The following SAXO5 variants were observed in gnomAD, a reference collection of about 807,000 sequenced individuals.
SAXO5 encodes testis expressed 45.
the SAXO5 span, among the ~76,000 whole-genome samples, chr19:7,498,162 CACACACAT>C: frequency 3.0e-5 from 3 of 98,370 alleles, no homozygotes; most frequent in African/African-American, 8.8e-5. Flanking sequence ...AAAACACACA[CACACACAT>C]ACACACACAC....
chr19:7,505,883 A>G, the SAXO5 span: 2 of 1,383,450 alleles, frequency 1.4e-6, no homozygotes, highest in Non-Finnish European at 2.0e-6. Flanking sequence ...CCAAGGTCAC[A>G]CAGAGCCCAC....
chr19:7,499,013 T>C, the SAXO5 span: 1 of 152,270 alleles, frequency 6.6e-6, no homozygotes, highest in Admixed American at 6.6e-5. Context: ...GGAAAACCAG[T>C]AAGAAAGTGC....
the SAXO5 span, among the ~76,000 whole-genome samples, chr19:7,498,033 C>T: frequency 6.6e-6 from 1 of 151,782 alleles, no homozygotes; most frequent in Non-Finnish European, 1.5e-5. Context: ...CACCTACAGT[C>T]CCAGCTACTC....
the SAXO5 span, among the ~76,000 whole-genome samples, chr19:7,504,989 T>G: frequency 0.053 from 3,571 of 67,650 alleles, 63 homozygotes; most frequent in Middle Eastern, 0.12. Flanking sequence ...TTTTTTTTTC[T>G]TTTTTTTTTT....
At chr19:7,500,478 A>ATTTT in the SAXO5 span, among the ~76,000 whole-genome samples, 3 of 147,854 alleles carry the variant, frequency 2.0e-5, no homozygotes, top group African/African-American at 7.7e-5. Flanking sequence ...ATTTTTTTTA[A>ATTTT]AAATTATTTT....
the SAXO5 span, chr19:7,500,874 C>T: frequency 6.4e-7 from 1 of 1,558,194 alleles, no homozygotes; most frequent in Non-Finnish European, 8.6e-7. Flanking sequence ...GATGTCCCGG[C>T]TGGACTTCCT....
the SAXO5 span, chr19:7,506,481 G>T: frequency 2.3e-6 from 1 of 430,186 alleles, no homozygotes; most frequent in African/African-American, 2.1e-5. Flanking sequence ...TTCTGGACAC[G>T]GCCCTGCCCC....
At chr19:7,501,824 A>G in the SAXO5 span, among the ~76,000 whole-genome samples, 1 of 151,802 alleles carries the variant, frequency 6.6e-6, no homozygotes, top group East Asian at 1.9e-4. Context: ...CCGTCTCAAA[A>G]AAAGGAAAGA....
At chr19:7,501,439 A>C in the SAXO5 span, 24,258 of 1,439,356 alleles carry the variant, frequency 0.017, 1,918 homozygotes, top group African/African-American at 0.23. Flanking sequence ...TTTGCTTCAC[A>C]TTGTGGTTCT....
At chr19:7,505,456 C>A in the SAXO5 span, 9 of 1,613,716 alleles carry the variant, frequency 5.6e-6, no homozygotes, top group Non-Finnish European at 5.9e-6. Context: ...TGAGGCCCGC[C>A]CCGTCCCGCC....
the SAXO5 span, chr19:7,500,864 G>A: frequency 7.8e-6 from 12 of 1,548,372 alleles, no homozygotes; most frequent in South Asian, 2.4e-5. Context: ...GCCCGTGCCC[G>A]ATGTCCCGGC....
chr19:7,506,240 T>G, the SAXO5 span: 14 of 482,184 alleles, frequency 2.9e-5, no homozygotes, highest in Middle Eastern at 5.7e-4. Flanking sequence ...CCCGCCCCCA[T>G]GGAGCCCCTC....
the SAXO5 span, chr19:7,506,192 C>CATGGAGCCCCGCCCT: frequency 9.7e-6 from 15 of 1,544,026 alleles, no homozygotes; most frequent in Admixed American, 2.1e-4. Flanking sequence ...AGCCCCGCCC[C>CATGGAGCCCCGCCCT]ATGGAGCCCC....
the SAXO5 span, chr19:7,506,786 G>A: frequency 2.3e-6 from 1 of 440,976 alleles, no homozygotes; most frequent in South Asian, 2.5e-5. Context: ...CTCCTCCCCT[G>A]GCTCCTTCCT....
chr19:7,501,282 C>G, the SAXO5 span: 1 of 1,573,926 alleles, frequency 6.4e-7, no homozygotes, highest in Non-Finnish European at 8.5e-7. Context: ...CATCTTCGAC[C>G]GCGACTCCCT....
chr19:7,504,749 A>T, the SAXO5 span, among the ~76,000 whole-genome samples: 1 of 149,610 alleles, frequency 6.7e-6, no homozygotes, highest in Non-Finnish European at 1.5e-5. Flanking sequence ...CTGCCTTCCC[A>T]CCCAGATGGG....
At chr19:7,505,937 G>A in the SAXO5 span, 9 of 1,538,858 alleles carry the variant, frequency 5.8e-6, no homozygotes, top group Non-Finnish European at 7.9e-6. Context: ...GGACGCCGGA[G>A]CTTTCAAATG....
At chr19:7,502,010 C>A in the SAXO5 span, among the ~76,000 whole-genome samples, 1 of 151,824 alleles carries the variant, frequency 6.6e-6, no homozygotes. Context: ...GAGGCCTAGG[C>A]AGGAGGATGT....
At chr19:7,500,957 G>C in the SAXO5 span, 4 of 1,570,364 alleles carry the variant, frequency 2.5e-6, no homozygotes, top group Non-Finnish European at 8.6e-7. Flanking sequence ...CGTCGCACCG[G>C]GACTTTGCCT....
Sources: gnomAD v4.1 joint callset for allele counts (sites outside exome capture counted in the v4.1 genomes callset) on GRCh38, gnomAD v4.1.1 for gene constraint, MANE v1.5 for transcripts, NCBI Gene and HGNC (gene_info 2026-07-23, HGNC 2026-07-21) for gene names.